Variants in CC2D2A observed in about 807,000 individuals in gnomAD.
The protein encoded by CC2D2A is coiled-coil and C2 domain-containing protein 2A.
A neutral mutation model predicts 212.9 loss-of-function variants in CC2D2A; 155 were observed. The ratio of observed to expected loss-of-function variants is 0.73; its 90% confidence interval spans 0.64 to 0.83. The LOEUF (loss-of-function observed/expected upper bound fraction) is 0.83, where lower values mean the gene tolerates loss of function less well. CC2D2A is among the 40% of genes least tolerant of loss of function. The pLI, the probability that CC2D2A is intolerant of heterozygous loss-of-function variation, is 0.00. For synonymous variants in CC2D2A, 667 were observed against 686.5 expected (o/e 0.97, Z 0.44); for missense variants, 1,856 against 1,956.2 (o/e 0.95, Z 0.97).
chr4:15,570,846 C>A (rs937050835), intron 28 of CC2D2A, among the ~76,000 whole-genome samples: 1 of 152,088 alleles, frequency 6.6e-6, no homozygotes, highest in South Asian at 2.1e-4. Context: ...CAAGATCGCG[C>A]CATTGCACTC....
At chr4:15,533,642 A>G (rs1717970186) in intron 14 of CC2D2A, among the ~76,000 whole-genome samples, 1 of 152,182 alleles carries the variant, frequency 6.6e-6, no homozygotes, top group African/African-American at 2.4e-5. Flanking sequence ...AACTGAAAGT[A>G]TGTTGTGTGT....
chr4:15,546,905 T>G (rs535503620), intron 17 of CC2D2A, among the ~76,000 whole-genome samples: 32 of 152,248 alleles, frequency 2.1e-4, no homozygotes, highest in African/African-American at 7.0e-4. Context: ...CTGGGAAATC[T>G]CTAGGAAATG....
intron 11 of CC2D2A, among the ~76,000 whole-genome samples, chr4:15,518,349 G>A (rs1039999341): frequency 6.6e-6 from 1 of 152,228 alleles, no homozygotes; most frequent in African/African-American, 2.4e-5. Flanking sequence ...CAAGAGTTAG[G>A]TTCCCATGGT....
chr4:15,523,152 A>T (rs1163304963), intron 11 of CC2D2A, among the ~76,000 whole-genome samples: 1 of 151,930 alleles, frequency 6.6e-6, no homozygotes, highest in Non-Finnish European at 1.5e-5. Context: ...CAGTACAAAC[A>T]TCCCTCTTCC....
intron 29 of CC2D2A, among the ~76,000 whole-genome samples, chr4:15,578,787 GGTTTGTTTGTTT>G (rs566721631): frequency 2.8e-5 from 4 of 141,928 alleles, no homozygotes; most frequent in Non-Finnish European, 4.7e-5. Flanking sequence ...CACTACACCT[GGTTTGTTTGTTT>G]GTTTGTTTGT....
At chr4:15,554,568 T>A (rs1719181628) in intron 19 of CC2D2A, among the ~76,000 whole-genome samples, 1 of 152,202 alleles carries the variant, frequency 6.6e-6, no homozygotes, top group Non-Finnish European at 1.5e-5. Context: ...CCCAGCTACT[T>A]GGGTGGCTCA....
intron 29 of CC2D2A, among the ~76,000 whole-genome samples, chr4:15,578,262 T>C (rs1221580567): frequency 6.6e-6 from 1 of 152,190 alleles, no homozygotes; most frequent in Non-Finnish European, 1.5e-5. Flanking sequence ...TGAGAATATA[T>C]AGGAGGCTTC....
intron 23 of CC2D2A, among the ~76,000 whole-genome samples, chr4:15,561,328 A>G (rs897096975): frequency 6.6e-6 from 1 of 152,082 alleles, no homozygotes; most frequent in African/African-American, 2.4e-5. Context: ...GGTTTTTTCT[A>G]TGCATATACT....
At chr4:15,540,021 G>A (rs1229672269) in intron 16 of CC2D2A, among the ~76,000 whole-genome samples, 1 of 152,126 alleles carries the variant, frequency 6.6e-6, no homozygotes, top group Non-Finnish European at 1.5e-5. Flanking sequence ...CATAGTAATT[G>A]TATGTAATGC....
intron 4 of CC2D2A, 74 bp downstream of exon 4, chr4:15,480,901 AT>A: frequency 6.6e-7 from 1 of 1,518,490 alleles, no homozygotes; most frequent in Admixed American, 2.2e-5. Context: ...CAGTATAGGG[AT>A]TTTTTATGGG....
chr4:15,480,570 T>C (rs1206544875), intron 3 of CC2D2A, 134 bp from the exon 4 acceptor site: 4 of 961,070 alleles, frequency 4.2e-6, no homozygotes, highest in Non-Finnish European at 5.7e-6. Context: ...GTGAGTCAGG[T>C]GACAGAGACT....
At chr4:15,598,867 A>C (rs902168766) in intron 35 of CC2D2A, among the ~76,000 whole-genome samples, 1 of 152,178 alleles carries the variant, frequency 6.6e-6, no homozygotes, top group Admixed American at 6.5e-5. Context: ...CATTTCAAAA[A>C]AACATTTCAT....
chr4:15,496,849 C>T (rs541225680), intron 4 of CC2D2A, among the ~76,000 whole-genome samples: 159 of 152,252 alleles, frequency 1.0e-3, no homozygotes, highest in South Asian at 3.1e-3. Flanking sequence ...AGAAATACAG[C>T]TAACCAGGAA....
At chr4:15,596,270 T>G in intron 34 of CC2D2A, 63 bp downstream of exon 34, 1 of 1,396,196 alleles carries the variant, frequency 7.2e-7, no homozygotes, top group Non-Finnish European at 9.4e-7. Context: ...TATACTGGGT[T>G]ACAAGATATT....
rs564050849 is a variant in CC2D2A at position 15,518,764 on chromosome 4, G to A, written c.1149+2008G>A. 2.6e-5 allele frequency among the ~76,000 whole-genome samples: 4 copies of A among 152,350 alleles called. No homozygotes were observed. In the South Asian group the frequency reaches 8.3e-4, roughly 32 times the overall value. ...AGGACTTGGGCTTGCACCCTCTAAA[G>A]CCATGGCCCGAGTTGTACCTTGGCT... On this transcript the variant is annotated intron_variant, in intron 11 of 36. Transcript: ENST00000424120.
intron 28 of CC2D2A, among the ~76,000 whole-genome samples, chr4:15,570,749 G>A (rs1169561316): frequency 4.6e-5 from 7 of 150,910 alleles, no homozygotes; most frequent in East Asian, 1.9e-4. Flanking sequence ...CCAGCTACTC[G>A]GGAGGCTGAG....
chr4:15,501,139 T>C (rs974152248), intron 4 of CC2D2A, among the ~76,000 whole-genome samples: 2 of 152,190 alleles, frequency 1.3e-5, no homozygotes, highest in African/African-American at 4.8e-5. Context: ...TTAAACTCCC[T>C]GGGTGTCTGG....
chr4:15,560,854 C>T (rs191732797), intron 23 of CC2D2A, among the ~76,000 whole-genome samples: 61 of 152,286 alleles, frequency 4.0e-4, no homozygotes, highest in Non-Finnish European at 4.4e-5. Context: ...CCCCATCTCA[C>T]CTCCCCTACT....
chr4:15,474,377 G>A (rs1020635393), intron 1 of CC2D2A, among the ~76,000 whole-genome samples: 6 of 152,048 alleles, frequency 3.9e-5, no homozygotes, highest in East Asian at 1.9e-4. Flanking sequence ...CTTATGTGTG[G>A]GATCTAAAAA....
Sources: gnomAD v4.1 joint callset for allele counts (sites outside exome capture counted in the v4.1 genomes callset) on GRCh38, gnomAD v4.1.1 for gene constraint, MANE v1.5 for transcripts, NCBI Gene and HGNC (gene_info 2026-07-23, HGNC 2026-07-21) for gene names.